The following RIMS2 variants were observed in gnomAD, a reference collection of about 807,000 sequenced individuals.
The protein encoded by RIMS2 is regulating synaptic membrane exocytosis protein 2.
A neutral mutation model predicts 174.4 loss-of-function variants in RIMS2; 59 were observed. The observed-to-expected ratio is 0.34, with a 90% CI of 0.27 to 0.42. RIMS2 has a LOEUF of 0.42. Among genes scored for constraint, RIMS2 ranks in the 10% least tolerant of loss-of-function variants. The pLI, the probability that RIMS2 is intolerant of heterozygous loss-of-function variation, is 1.00. For synonymous variants in RIMS2, 606 were observed against 572.5 expected (o/e 1.06, Z -0.84); for missense variants, 1,620 against 1,666.3 (o/e 0.97, Z 0.48).
At chr8:103,535,570 CT>C (rs1169663949) in intron 1 of RIMS2, among the ~76,000 whole-genome samples, 1 of 152,214 alleles carries the variant, frequency 6.6e-6, no homozygotes, top group East Asian at 1.9e-4. Flanking sequence ...TTTGGCTAGA[CT>C]CCAGGAGCCA....
intron 19 of RIMS2, among the ~76,000 whole-genome samples, chr8:104,043,337 G>T (rs183720659): frequency 1.3e-5 from 2 of 151,780 alleles, no homozygotes; most frequent in Admixed American, 1.3e-4. Flanking sequence ...TAGCTGAGTG[G>T]AGACCCTAAA....
chr8:104,004,455 A>G (rs751187054), intron 17 of RIMS2, among the ~76,000 whole-genome samples: 3 of 152,190 alleles, frequency 2.0e-5, no homozygotes, highest in Non-Finnish European at 2.9e-5. Flanking sequence ...CCTGTTGGAT[A>G]TGTCAAGTGA....
intron 1 of RIMS2, among the ~76,000 whole-genome samples, chr8:103,528,355 G>A (rs1835150158): frequency 6.6e-6 from 1 of 152,086 alleles, no homozygotes; most frequent in African/African-American, 2.4e-5. Context: ...TGTTCTCTCT[G>A]ATGGTAGTTT....
At chr8:103,534,241 T>C (rs1215254078) in intron 1 of RIMS2, among the ~76,000 whole-genome samples, 1 of 152,266 alleles carries the variant, frequency 6.6e-6, no homozygotes, top group East Asian at 1.9e-4. Flanking sequence ...CAAGCTACTT[T>C]ATATGCTTCC....
chr8:103,759,597 A>C (rs944590949), intron 2 of RIMS2, among the ~76,000 whole-genome samples: 2 of 151,830 alleles, frequency 1.3e-5, no homozygotes, highest in Admixed American at 6.6e-5. Flanking sequence ...AAGAAAAGAA[A>C]AAAGAAAGGC....
At chr8:103,993,796 G>A (rs2094885055) in intron 17 of RIMS2, among the ~76,000 whole-genome samples, 1 of 152,054 alleles carries the variant, frequency 6.6e-6, no homozygotes, top group African/African-American at 2.4e-5. Flanking sequence ...GGAGGTTTAA[G>A]CAGGCACATC....
chr8:103,555,800 CAAA>C (rs35932194), intron 1 of RIMS2, among the ~76,000 whole-genome samples: 6 of 135,522 alleles, frequency 4.4e-5, no homozygotes, highest in African/African-American at 1.1e-4. Flanking sequence ...CTCTCTCTCT[CAAA>C]AAAAAAAAAA....
chr8:104,110,357 C>T (rs2098158752), intron 19 of RIMS2, among the ~76,000 whole-genome samples: 1 of 152,112 alleles, frequency 6.6e-6, no homozygotes, highest in Non-Finnish European at 1.5e-5. Flanking sequence ...TTATATAAGG[C>T]AGAAAAACAT....
intron 16 of RIMS2, among the ~76,000 whole-genome samples, chr8:103,987,308 A>G (rs993875519): frequency 1.3e-5 from 2 of 152,150 alleles, no homozygotes; most frequent in East Asian, 3.9e-4. Context: ...AAACGTATGT[A>G]AAAAATCTTA....
chr8:103,865,058 T>C (rs942978897), intron 3 of RIMS2, among the ~76,000 whole-genome samples: 1 of 151,978 alleles, frequency 6.6e-6, no homozygotes, highest in African/African-American at 2.4e-5. Context: ...ATAGCACACA[T>C]AGAAAATGTT....
chr8:103,878,544 T>C (rs896057441), intron 3 of RIMS2, among the ~76,000 whole-genome samples: 2 of 150,996 alleles, frequency 1.3e-5, no homozygotes, highest in African/African-American at 4.9e-5. Flanking sequence ...TTTTGTTGTG[T>C]CCTTTCCTGG....
At chr8:104,093,591 A>G (rs374124378) in intron 19 of RIMS2, 3 of 1,597,634 alleles carry the variant, frequency 1.9e-6, no homozygotes, top group Non-Finnish European at 2.5e-6. Context: ...TTTCAGCAGC[A>G]CAAGCTACAT....
At chr8:104,152,078 T>C (rs1014895783) in intron 19 of RIMS2, among the ~76,000 whole-genome samples, 18 of 152,350 alleles carry the variant, frequency 1.2e-4, no homozygotes, top group African/African-American at 4.3e-4. Flanking sequence ...TACAAAATTA[T>C]AGCTCTATTG....
At chr8:103,722,517 G>A (rs746017549) in intron 2 of RIMS2, among the ~76,000 whole-genome samples, 2 of 152,092 alleles carry the variant, frequency 1.3e-5, no homozygotes, top group Non-Finnish European at 2.9e-5. Flanking sequence ...CCCATGTGCA[G>A]TTCACGATAG....
At chr8:103,689,554 A>T (rs1437644088) in intron 1 of RIMS2, among the ~76,000 whole-genome samples, 1 of 152,218 alleles carries the variant, frequency 6.6e-6, no homozygotes, top group Non-Finnish European at 1.5e-5. Flanking sequence ...TTGTGGATAT[A>T]GATTTATAAT....
chr8:104,183,424 C>T (rs1010465235), intron 19 of RIMS2, among the ~76,000 whole-genome samples: 1 of 150,652 alleles, frequency 6.6e-6, no homozygotes, highest in African/African-American at 2.4e-5. Context: ...TTTGTAAAAC[C>T]GGGAATATAA....
intron 1 of RIMS2, among the ~76,000 whole-genome samples, chr8:103,630,709 G>T (rs1213038515): frequency 1.3e-5 from 2 of 151,260 alleles, no homozygotes; most frequent in Non-Finnish European, 2.9e-5. Context: ...TATGAAAAGA[G>T]ATGTGCCAAA....
chr8:104,108,483 A>G (rs1289775095), intron 19 of RIMS2, among the ~76,000 whole-genome samples: 1 of 151,736 alleles, frequency 6.6e-6, no homozygotes, highest in Non-Finnish European at 1.5e-5. Context: ...TCATTTCTGT[A>G]GAGATGGGAT....
chr8:104,249,878 C>A lies in RIMS2; in HGVS notation c.3691+290C>A, dbSNP rs78865283. ...CATTCATTTTGTCACACCATGTACA[C>A]AAGGAGTTCTTTTTTCTTATTAGCT... On this transcript the variant is annotated intron_variant, in intron 22 of 23. Coordinates refer to ENST00000504942, the Ensembl canonical transcript of RIMS2. 1.2e-3 allele frequency among the ~76,000 whole-genome samples: 190 copies of A among 152,266 alleles called. 3 individuals are homozygous for A. The East Asian group carries it at 0.025, about 20-fold the overall frequency.
Sources: allele counts gnomAD v4.1 joint callset (sites outside exome capture counted in the v4.1 genomes callset), GRCh38; gene constraint gnomAD v4.1.1; transcripts MANE v1.5; gene names NCBI Gene and HGNC (gene_info 2026-07-23, HGNC 2026-07-21).